Variants in SPG7 observed in about 807,000 individuals in gnomAD.
SPG7 encodes the protein SPG7 matrix AAA peptidase subunit, paraplegin, also known as mitochondrial inner membrane m-AAA protease component paraplegin.
Under a neutral mutation model 81.9 loss-of-function variants are expected in SPG7, and 103 were observed. The observed-to-expected ratio is 1.26, with a 90% CI of 1.07 to 1.48. The LOEUF (loss-of-function observed/expected upper bound fraction) is 1.48. SPG7 is among the 40% of genes most tolerant of loss of function. SPG7 has a pLI of 0.00. For missense variants in SPG7, 1,241 were observed against 1,087.3 expected (o/e 1.14, Z -1.99); for synonymous variants, 534 against 444.2 (o/e 1.20, Z -2.54).
At chr16:89,540,237 C>G (rs557335725) in intron 9 of SPG7, 2 of 152,228 alleles carry the variant, frequency 1.3e-5, no homozygotes, top group African/African-American at 4.8e-5. Flanking sequence ...TCCTATCTAC[C>G]AAAGTATCTT....
At position 89,532,208 on chromosome 16, in the gene SPG7, G is replaced by A. The variant is rs111255615; in HGVS notation, c.1150+142G>A. 1.1e-5 allele frequency: 11 copies of A among 1,021,212 alleles called. No homozygotes were observed. In the African/African-American group the frequency reaches 1.6e-4, roughly 15 times the overall value. 63.3% of individuals were successfully genotyped at this position (1,021,212 alleles called of 1,614,324 possible). ...GGAAAGCGAGGTCTGGGTTGGCGGA[G>A]GGGTTTTGTCTGCGAAGCACATGAT... is the stretch of plus-strand genomic sequence containing the variant. On this transcript the variant is annotated intron_variant, in intron 8 of 16. Transcript: ENST00000645818.
At chr16:89,535,755 C>T (rs116116922) in intron 9 of SPG7, among the ~76,000 whole-genome samples, 1,552 of 152,322 alleles carry the variant, frequency 0.01, 27 homozygotes, top group African/African-American at 0.034. Context: ...GATCACCATG[C>T]GTTTTAGAGG....
Position 89,529,501 on chromosome 16 carries a change from G to A in SPG7, c.783G>A (p.Thr261=), listed in dbSNP as rs778798038. Residue 261 remains threonine, a synonymous_variant, in exon 6 of 17, where the codon ACG becomes ACA. Coordinates refer to ENST00000645818, the MANE Select transcript of SPG7 (RefSeq NM_003119.4). ...GTGCCCTGTACTCTGTGGGGATGAC[G>A]GCAGTGGGCCTGGCCATCCTGTGGT... ...FGNALYSVGM[T]AVGLAILWYV... is the part of the protein sequence containing the mutation. 17 of 1,613,720 alleles carry A rather than the reference G, an allele frequency of 1.1e-5. No homozygotes were observed. Among genetic ancestry groups the A allele is most frequent in the Admixed American group, 5.0e-5 (3 of 59,986 alleles).
At chr16:89,540,905 C>G in intron 9 of SPG7, 2 of 985,338 alleles carry the variant, frequency 2.0e-6, no homozygotes, top group Non-Finnish European at 1.2e-6. Context: ...AGGTGCCATT[C>G]AGTGGCTGAG....
At chr16:89,541,241 T>A (rs2058492932) in intron 9 of SPG7, 1 of 984,914 alleles carries the variant, frequency 1.0e-6, no homozygotes, top group Non-Finnish European at 1.2e-6. Context: ...TATCACGGTG[T>A]TCTACGCAGC....
chr16:89,544,614 A>C (rs769297406), intron 9 of SPG7, 34 bp from the exon 10 acceptor site: 1 of 1,613,206 alleles, frequency 6.2e-7, no homozygotes. Flanking sequence ...CAGGACCCCT[A>C]CCCTCAGAGC....
chr16:89,549,131 T>G (rs1290559801), intron 12 of SPG7: 3 of 456,656 alleles, frequency 6.6e-6, no homozygotes, highest in Non-Finnish European at 4.4e-6. Context: ...GAAATTTATT[T>G]TCGTGTAACC....
At chr16:89,518,994 T>A (rs924083455) in intron 3 of SPG7, 10 of 151,976 alleles carry the variant, frequency 6.6e-5, no homozygotes, top group African/African-American at 1.7e-4. Flanking sequence ...ATTTATTTAT[T>A]TTTTTTTGAG....
intron 2 of SPG7, among the ~76,000 whole-genome samples, chr16:89,511,497 G>T (rs1356119489): frequency 6.6e-6 from 1 of 152,228 alleles, no homozygotes; most frequent in Non-Finnish European, 1.5e-5. Flanking sequence ...CACATGGGTA[G>T]GGAGAGTGCC....
At chr16:89,537,838 C>A in intron 9 of SPG7, 2 of 914,130 alleles carry the variant, frequency 2.2e-6, no homozygotes, top group Non-Finnish European at 2.6e-6. Context: ...CGGGACACCC[C>A]TACCTTTGTC....
Position 89,546,730 on chromosome 16 carries a change from C to T in SPG7, c.1522C>T (p.Arg508Cys). Residue 508 changes from arginine to cysteine, a missense_variant, in exon 11 of 17, where the codon CGT (arginine) becomes TGT (cysteine). Arg to Cys is a radical substitution (Grantham distance 180, BLOSUM62 -3). Coordinates refer to ENST00000645818, the MANE Select transcript of SPG7 (RefSeq NM_003119.4). ...LTQSSTFYSQ[R>C]LAELTPGFSG... Reference sequence around the variant, plus strand: ...CCAGTCCAGCACCTTTTACTCCCAGCGTCTGGCAGAGCTGACACCAGGATT... The same window carrying T: ...CCAGTCCAGCACCTTTTACTCCCAGTGTCTGGCAGAGCTGACACCAGGATT... 5 of 1,613,218 alleles carry T rather than the reference C, an allele frequency of 3.1e-6. No individual in the cohort carries two copies. In the South Asian group the frequency reaches 3.3e-5, roughly 11 times the overall value.
intron 3 of SPG7, chr16:89,518,661 T>A (rs1158801254): frequency 1.3e-5 from 2 of 151,264 alleles, no homozygotes; most frequent in African/African-American, 4.9e-5. Context: ...TTATACGGAG[T>A]GAAAAAAGGC....
Position 89,512,945 on chromosome 16 carries a change from T to G in SPG7, c.287-3T>G, listed in dbSNP as rs749965939. On this transcript the variant is annotated splice_region_variant and splice_polypyrimidine_tract_variant and intron_variant, in intron 2 of 16. Coordinates refer to ENST00000645818, the MANE Select transcript of SPG7 (RefSeq NM_003119.4). ...TGTTAAATCCTTTCTCTATTTCTCA[T>G]AGGTGGTACTTTCTATTTTAACACC... 1 of 1,613,090 alleles carries G rather than the reference T, an allele frequency of 6.2e-7. No individual in the cohort carries two copies. Among genetic ancestry groups the G allele is most frequent in the South Asian group, 1.1e-5 (1 of 91,054 alleles).
intron 9 of SPG7, chr16:89,541,195 TACGCAGAA>T (rs2058492133): frequency 1.0e-6 from 1 of 971,686 alleles, no homozygotes; most frequent in Non-Finnish European, 1.2e-6. Context: ...CACGGTGTTC[TACGCAGAA>T]ATAGAAGAGC....
chr16:89,510,459 A>T (rs1597600661), intron 1 of SPG7, 31 bp from the exon 2 acceptor site: 1 of 1,347,792 alleles, frequency 7.4e-7, no homozygotes, highest in Non-Finnish European at 1.1e-6. Flanking sequence ...TGTTGGTGTG[A>T]CCTCCAGTAT....
chr16:89,523,541 C>T (rs2058218575), intron 3 of SPG7: 3 of 361,932 alleles, frequency 8.3e-6, no homozygotes, highest in Admixed American at 3.5e-5. Context: ...CACTTTGCAG[C>T]AGGAGAGCTG....
At chr16:89,535,502 G>C (rs575880107) in intron 9 of SPG7, among the ~76,000 whole-genome samples, 1 of 152,312 alleles carries the variant, frequency 6.6e-6, no homozygotes, top group South Asian at 2.1e-4. Flanking sequence ...CTCTCAACAC[G>C]CTTATTCAGG....
At position 89,554,818 on chromosome 16, in the gene SPG7, C is replaced by G. The variant is rs76647055; in HGVS notation, c.2181+255C>G. The G allele has an allele frequency of 3.7e-3, 1,767 of 473,950 alleles. 6 individuals carry two copies. The highest frequency in any genetic ancestry group is 0.021 in the Middle Eastern group (36 of 1,714). 29.4% of individuals were successfully genotyped at this position (473,950 alleles called of 1,614,324 possible). A position where few individuals can be genotyped will look rare whatever the true frequency, so the allele number is the denominator to read the frequency against. On this transcript the variant is annotated intron_variant, in intron 16 of 16. Transcript: ENST00000645818. ...TGCCTCTTCCTGCCATTAGCAATTA[C>G]CAATGTTTTGTCAGTTTTGTTTAAT...
intron 2 of SPG7, 122 bp from the exon 3 acceptor site, chr16:89,512,826 A>G (rs772487283): frequency 2.2e-6 from 2 of 925,222 alleles, no homozygotes; most frequent in East Asian, 2.5e-5. Flanking sequence ...TCTTATGGAT[A>G]TAAGTAGGTT....
Sources: gnomAD v4.1 joint callset for allele counts (sites outside exome capture counted in the v4.1 genomes callset) on GRCh38, gnomAD v4.1.1 for gene constraint, MANE v1.5 for transcripts, NCBI Gene and HGNC (gene_info 2026-07-23, HGNC 2026-07-21) for gene names.